KIF23: variants seen among roughly 807,000 people sequenced by gnomAD.
The protein encoded by KIF23 is kinesin family member 23.
Under a neutral mutation model 137.5 loss-of-function variants are expected in KIF23, and 30 were observed. That is an observed-to-expected ratio of 0.22 (90% CI 0.16 to 0.30). The LOEUF is 0.30. Ranked by LOEUF, KIF23 falls within the 10% of genes least tolerant of loss-of-function variation. The probability of loss-of-function intolerance (pLI) is 1.00; values close to 1 mark genes in which losing one functional copy is unlikely to be tolerated. For missense variants in KIF23, 920 were observed against 1,194.3 expected (o/e 0.77, Z 3.38); for synonymous variants, 367 against 391.1 (o/e 0.94, Z 0.73).
At position 69,435,630 on chromosome 15, in the gene KIF23, T is replaced by A. The variant is rs374892918; in HGVS notation, c.1195-22T>A. ...TGTGCATTTTTTTTGCGTAACACAT[T>A]TGGATATGAATGTCTTTGTAGATGG... On this transcript the variant is annotated intron_variant, in intron 12 of 23. Transcript: ENST00000679126. The A allele has an allele frequency of 5.6e-6, 9 of 1,613,106 alleles. No homozygotes were observed. In the African/African-American group the frequency reaches 1.2e-4, roughly 22 times the overall value.
At chr15:69,422,266 C>A in intron 5 of KIF23, 60 bp from the exon 6 acceptor site, 1 of 1,445,436 alleles carries the variant, frequency 6.9e-7, no homozygotes, top group Non-Finnish European at 9.5e-7. Context: ...ATATTTCTTA[C>A]TATTTAAGTT....
At chr15:69,433,626 C>T (rs2057404763) in intron 11 of KIF23, among the ~76,000 whole-genome samples, 1 of 152,208 alleles carries the variant, frequency 6.6e-6, no homozygotes, top group Non-Finnish European at 1.5e-5. Flanking sequence ...CCCCTCAAGC[C>T]TCAACCCATC....
At chr15:69,435,957 C>T (rs981001770) in intron 13 of KIF23, among the ~76,000 whole-genome samples, 181 bp from the exon 14 acceptor site, 42 of 152,212 alleles carry the variant, frequency 2.8e-4, no homozygotes, top group African/African-American at 8.2e-4. Context: ...TGAGGTGGGA[C>T]GATCAATTGG....
In KIF23 at chr15:69,414,400, A is replaced by G; in HGVS notation, c.-66A>G. 1 of 1,555,590 alleles carries G rather than the reference A, an allele frequency of 6.4e-7. No individual in the cohort carries two copies. The highest frequency in any genetic ancestry group is 8.7e-7 in the Non-Finnish European group (1 of 1,149,598). On this transcript the variant is annotated 5_prime_UTR_variant, in exon 1 of 24. Coordinates refer to ENST00000679126, the MANE Select transcript of KIF23 (RefSeq NM_001367805.3). ...GTTCTAGTTCTTGCTGCCGGTCCTA[A>G]CGTCCCGCAGTCTTCGCCAGCCAGC...
intron 19 of KIF23, among the ~76,000 whole-genome samples, chr15:69,442,192 T>G (rs571363654): frequency 6.6e-6 from 1 of 152,350 alleles, no homozygotes; most frequent in Admixed American, 6.5e-5. Flanking sequence ...TTGACTATTT[T>G]CATTGAAGAG....
rs2057696567 is a variant in KIF23 at position 69,444,287 on chromosome 15, C to G, written c.2422-503C>G. On this transcript the variant is annotated intron_variant, in intron 19 of 23. Transcript: ENST00000679126. The surrounding 1 kb of genome is among the most constrained non-coding windows in gnomAD (Gnocchi z 4.2). ...TTTTAAAATCTTAACTGAAAGCACTCAGAAGTATTTCACATTTCTTTAATC... is the reference window on the plus strand; with the variant it reads ...TTTTAAAATCTTAACTGAAAGCACTGAGAAGTATTTCACATTTCTTTAATC... 6.6e-6 allele frequency: 1 copy of G among 152,408 alleles called. No individual in the cohort carries two copies. Among genetic ancestry groups the G allele is most frequent in the Admixed American group, 6.5e-5 (1 of 15,278 alleles). 9.4% of individuals were successfully genotyped at this position (152,408 alleles called of 1,614,324 possible).
intron 16 of KIF23, 148 bp from the exon 17 acceptor site, chr15:69,439,756 T>A: frequency 2.1e-6 from 1 of 482,778 alleles, no homozygotes; most frequent in Non-Finnish European, 3.5e-6. Flanking sequence ...GGGGTGGGAA[T>A]TCAGATGAAA....
At chr15:69,437,831 C>T (rs779335956) in intron 15 of KIF23, among the ~76,000 whole-genome samples, 49 of 152,218 alleles carry the variant, frequency 3.2e-4, no homozygotes, top group Non-Finnish European at 6.2e-4. Context: ...ATTTAAATTT[C>T]CATACTGAAA....
chr15:69,445,170 C>CTTT, intron 20 of KIF23, 129 bp downstream of exon 20: 3 of 930,994 alleles, frequency 3.2e-6, no homozygotes, highest in Non-Finnish European at 4.7e-6. Context: ...TTGATATAAC[C>CTTT]TTTTTGTTAG....
At chr15:69,424,045 A>G (rs1453397158) in intron 7 of KIF23, among the ~76,000 whole-genome samples, 1 of 152,212 alleles carries the variant, frequency 6.6e-6, no homozygotes. Flanking sequence ...TAATACGAAG[A>G]CCTGTGGCTT....
chr15:69,433,494 T>G (rs2057401911), intron 11 of KIF23, among the ~76,000 whole-genome samples: 1 of 152,108 alleles, frequency 6.6e-6, no homozygotes, highest in African/African-American at 2.4e-5. Context: ...TGAAGACACT[T>G]GACTGTTAGA....
chr15:69,446,430 G>A, intron 22 of KIF23, 66 bp downstream of exon 22: 2 of 1,267,744 alleles, frequency 1.6e-6, no homozygotes, highest in African/African-American at 1.5e-5. Context: ...AAACCCCACA[G>A]CTCTAGATTT....
At chr15:69,418,045 C>T (rs2056962581) in intron 3 of KIF23, among the ~76,000 whole-genome samples, 1 of 152,032 alleles carries the variant, frequency 6.6e-6, no homozygotes, top group African/African-American at 2.4e-5. Flanking sequence ...ATATGGTAAA[C>T]AAATAATTCT....
intron 10 of KIF23, among the ~76,000 whole-genome samples, chr15:69,428,680 A>AAAAAAAAC (rs2057272194): frequency 6.6e-6 from 1 of 151,630 alleles, no homozygotes; most frequent in African/African-American, 2.4e-5. Flanking sequence ...AAAAAAAAAA[A>AAAAAAAAC]AAAAACAAAA....
chr15:69,438,536 G>A, intron 16 of KIF23, 131 bp downstream of exon 16: 1 of 745,864 alleles, frequency 1.3e-6, no homozygotes, highest in Non-Finnish European at 2.0e-6. Context: ...GGTGGCTCAT[G>A]CAGGTAATTC....
At chr15:69,426,596 C>G in intron 10 of KIF23, 139 bp downstream of exon 10, 1 of 810,762 alleles carries the variant, frequency 1.2e-6, no homozygotes, top group East Asian at 2.5e-5. Flanking sequence ...TGCACCACTC[C>G]TGTAATCCCA....
chr15:69,442,738 C>G (rs190763330), intron 19 of KIF23, among the ~76,000 whole-genome samples: 1 of 152,230 alleles, frequency 6.6e-6, no homozygotes, highest in African/African-American at 2.4e-5. Flanking sequence ...CCTTGCAAAC[C>G]GTAATGAGAT....
Position 69,436,208 on chromosome 15 carries a change from G to A in KIF23, c.1385G>A (p.Gly462Asp), listed in dbSNP as rs776179725. The A allele has an allele frequency of 1.9e-6, 3 of 1,613,992 alleles. No individual in the cohort carries two copies. The change falls in exon 14 of 24, where the codon GGT (glycine) becomes GAT (aspartate). Residue 462 changes from glycine (G) to aspartate (D), a missense_variant. Coordinates refer to ENST00000679126, the MANE Select transcript of KIF23 (RefSeq NM_001367805.3). ...VARPVDKAIC[G>D]LTPGRRYRNQ... ...AGACCTGTAGACAAGGCAATATGTG[G>A]TTTAACGCCTGGGAGGAGATACAGA...
At position 69,446,097 on chromosome 15, in the gene KIF23, TA is replaced by T; in HGVS notation, c.2756+8del. The T allele has an allele frequency of 6.2e-7, 1 of 1,608,708 alleles. No individual in the cohort carries two copies. Among genetic ancestry groups the T allele is most frequent in the South Asian group, 1.1e-5 (1 of 90,960 alleles). ...AAGCAAGAATCACCAAATGGGTAAG[TA>T]ACCATCAAAAATCTCTGTATAAAAG... On this transcript the variant is annotated splice_region_variant and intron_variant, in intron 21 of 23. Transcript: ENST00000679126.
Sources: allele counts gnomAD v4.1 joint callset (sites outside exome capture counted in the v4.1 genomes callset), GRCh38; gene constraint gnomAD v4.1.1; non-coding constraint Gnocchi (gnomAD v3.1); transcripts MANE v1.5; gene names NCBI Gene and HGNC (gene_info 2026-07-23, HGNC 2026-07-21).